KIF13B: variants seen among roughly 807,000 people sequenced by gnomAD.
KIF13B encodes kinesin-like protein KIF13B.
Under a neutral mutation model 222.0 loss-of-function variants are expected in KIF13B, and 127 were observed. The observed-to-expected ratio is 0.57, with a 90% confidence interval of 0.50 to 0.66. The LOEUF (loss-of-function observed/expected upper bound fraction) is 0.66, where lower values mean the gene tolerates loss of function less well. Among genes scored for constraint, KIF13B ranks in the 30% least tolerant of loss-of-function variants. The pLI, the probability that KIF13B is intolerant of heterozygous loss-of-function variation, is 0.00. For missense variants in KIF13B, 2,173 were observed against 2,379.0 expected (o/e 0.91, Z 1.80); for synonymous variants, 976 against 919.0 (o/e 1.06, Z -1.12).
chr8:29,162,594 T>G (rs1811828812), intron 12 of KIF13B, among the ~76,000 whole-genome samples: 1 of 152,256 alleles, frequency 6.6e-6, no homozygotes, highest in Non-Finnish European at 1.5e-5. Context: ...ATCACTGTTT[T>G]ACACTACTTC....
chr8:29,139,984 A>AT, intron 21 of KIF13B, 79 bp downstream of exon 21: 1 of 1,303,652 alleles, frequency 7.7e-7, no homozygotes, highest in Non-Finnish European at 1.1e-6. Context: ...AGTAATTGTG[A>AT]TTTTTGCCAT....
chr8:29,149,416 A>G (rs1356447012), intron 15 of KIF13B, among the ~76,000 whole-genome samples: 1 of 152,218 alleles, frequency 6.6e-6, no homozygotes, highest in Non-Finnish European at 1.5e-5. Context: ...CACACCGACC[A>G]GTGACAATAA....
At chr8:29,230,051 T>C (rs543095891) in intron 2 of KIF13B, among the ~76,000 whole-genome samples, 1 of 152,324 alleles carries the variant, frequency 6.6e-6, no homozygotes, top group South Asian at 2.1e-4. Flanking sequence ...ACCTACTAAG[T>C]AGGTACCATG....
At chr8:29,151,417 A>G (rs114615544) in intron 14 of KIF13B, among the ~76,000 whole-genome samples, 8 of 152,232 alleles carry the variant, frequency 5.3e-5, no homozygotes, top group African/African-American at 1.9e-4. Context: ...TACTGGAAGA[A>G]GATGTCATCT....
At chr8:29,097,481 A>G (rs1193651897) in intron 36 of KIF13B, among the ~76,000 whole-genome samples, 2 of 152,190 alleles carry the variant, frequency 1.3e-5, no homozygotes, top group Non-Finnish European at 2.9e-5. Context: ...AAGGCAATAA[A>G]CCACAGTGAC....
chr8:29,089,446 A>T (rs893799987), intron 37 of KIF13B, among the ~76,000 whole-genome samples: 1 of 152,088 alleles, frequency 6.6e-6, no homozygotes, highest in Admixed American at 6.5e-5. Flanking sequence ...CTCTAAAATA[A>T]TATTATTATA....
chr8:29,079,675 A>T (rs1307019551), intron 37 of KIF13B, among the ~76,000 whole-genome samples: 1 of 152,206 alleles, frequency 6.6e-6, no homozygotes, highest in East Asian at 1.9e-4. Flanking sequence ...GAACTTCCCT[A>T]ACATTGAATT....
At chr8:29,248,686 G>A (rs1003874944) in intron 1 of KIF13B, among the ~76,000 whole-genome samples, 10 of 152,124 alleles carry the variant, frequency 6.6e-5, no homozygotes, top group Non-Finnish European at 1.0e-4. Context: ...GCTACAATTC[G>A]AGATGGGATT....
intron 8 of KIF13B, among the ~76,000 whole-genome samples, chr8:29,179,559 A>G (rs1450916833): frequency 2.0e-5 from 3 of 152,172 alleles, no homozygotes; most frequent in Non-Finnish European, 4.4e-5. Context: ...GCTTAAACCC[A>G]CATTTCTCAG....
intron 37 of KIF13B, among the ~76,000 whole-genome samples, chr8:29,084,359 TCTCC>T (rs1391923888): frequency 1.3e-5 from 2 of 152,224 alleles, no homozygotes; most frequent in Non-Finnish European, 2.9e-5. Flanking sequence ...TGTGCTTGTT[TCTCC>T]CTGTTTTATA....
intron 2 of KIF13B, among the ~76,000 whole-genome samples, chr8:29,226,969 AT>A (rs1815054250): frequency 6.6e-6 from 1 of 152,230 alleles, no homozygotes; most frequent in Non-Finnish European, 1.5e-5. Flanking sequence ...TCAGGCATAA[AT>A]GGGTTAATAC....
chr8:29,075,251 G>C, intron 38 of KIF13B, 30 bp downstream of exon 38: 2 of 1,544,494 alleles, frequency 1.3e-6, no homozygotes, highest in Non-Finnish European at 1.8e-6. Context: ...GCTGTAGGTG[G>C]GGTGGCCACC....
intron 31 of KIF13B, among the ~76,000 whole-genome samples, chr8:29,116,354 A>G (rs1306975311): frequency 1.3e-5 from 2 of 152,204 alleles, no homozygotes; most frequent in African/African-American, 2.4e-5. Flanking sequence ...CTGTGGTCCC[A>G]GCTACCGGGG....
chr8:29,215,701 T>G (rs967394549), intron 2 of KIF13B, among the ~76,000 whole-genome samples: 1 of 152,238 alleles, frequency 6.6e-6, no homozygotes, highest in Non-Finnish European at 1.5e-5. Flanking sequence ...AATAAGAGTA[T>G]GCCTTCCAAG....
intron 14 of KIF13B, among the ~76,000 whole-genome samples, chr8:29,153,618 C>T (rs1451500232): frequency 6.7e-6 from 1 of 150,372 alleles, no homozygotes; most frequent in Admixed American, 6.7e-5. Flanking sequence ...ATATCAAGTA[C>T]AATTTTTTTA....
At chr8:29,201,444 C>G (rs186155193) in intron 2 of KIF13B, among the ~76,000 whole-genome samples, 105 of 152,304 alleles carry the variant, frequency 6.9e-4, no homozygotes, top group African/African-American at 2.5e-3. Flanking sequence ...ATAAACTCAT[C>G]ACCTCTGAAA....
At chr8:29,178,037 C>A (rs1265817539) in intron 8 of KIF13B, among the ~76,000 whole-genome samples, 2 of 152,142 alleles carry the variant, frequency 1.3e-5, no homozygotes, top group Non-Finnish European at 2.9e-5. Flanking sequence ...GAAAACTGTA[C>A]AATCTAACGG....
At chr8:29,102,410 C>T (rs945427287) in intron 35 of KIF13B, among the ~76,000 whole-genome samples, 4 of 152,234 alleles carry the variant, frequency 2.6e-5, no homozygotes, top group Non-Finnish European at 4.4e-5. Flanking sequence ...AGCTTTACTG[C>T]CATTAGGGCA....
chr8:29,213,917 G>T (rs1208626193), intron 2 of KIF13B, among the ~76,000 whole-genome samples: 2 of 152,202 alleles, frequency 1.3e-5, no homozygotes, highest in East Asian at 3.9e-4. Flanking sequence ...TTGAGCCACA[G>T]CACTCCAGTC....
Sources: allele counts gnomAD v4.1 joint callset (sites outside exome capture counted in the v4.1 genomes callset), GRCh38; gene constraint gnomAD v4.1.1; transcripts MANE v1.5; gene names NCBI Gene and HGNC (gene_info 2026-07-23, HGNC 2026-07-21).